Variants in GPATCH2L observed in about 807,000 individuals in gnomAD.
GPATCH2L encodes G-patch domain containing 2 like.
GPATCH2L carries 31 observed loss-of-function variants against 57.4 expected under a neutral mutation model. That is an observed-to-expected ratio of 0.54 (90% CI 0.41 to 0.73). The LOEUF is 0.73. GPATCH2L is among the 30% of genes least tolerant of loss of function. The pLI is 0.00. For missense variants in GPATCH2L, 481 were observed against 599.9 expected, an observed-to-expected ratio of 0.80 and a Z score of 2.07; for synonymous variants, 199 against 210.7, an observed-to-expected ratio of 0.94 and a Z score of 0.48.
chr14:76,222,313 G>C (rs1376189230), intron 1 of GPATCH2L, among the ~76,000 whole-genome samples: 3 of 152,160 alleles, frequency 2.0e-5, no homozygotes, highest in Non-Finnish European at 4.4e-5. Flanking sequence ...ACCAGCTCAA[G>C]AGTAAATAGA....
chr14:76,165,682 T>G (rs1359413610), intron 2 of GPATCH2L, among the ~76,000 whole-genome samples: 1 of 152,164 alleles, frequency 6.6e-6, no homozygotes, highest in Non-Finnish European at 1.5e-5. Flanking sequence ...GAGGAAAGCA[T>G]TGCTCCTTAA....
chr14:76,191,220 A>G (rs1307176080), intron 8 of GPATCH2L, among the ~76,000 whole-genome samples: 1 of 152,178 alleles, frequency 6.6e-6, no homozygotes, highest in African/African-American at 2.4e-5. Context: ...AATAACACAC[A>G]TTAAATAAAT....
Position 76,154,920 on chromosome 14 carries a change from A to T in GPATCH2L, c.557A>T (p.Glu186Val). Residue 186 changes from glutamate (E) to valine (V), a missense_variant, in exon 2 of 10, where the codon GAA becomes GTA. Coordinates refer to ENST00000261530, the MANE Select transcript of GPATCH2L (RefSeq NM_017926.4). This position sits in a 1 kb window ranked among gnomAD's most constrained non-coding sequence, Gnocchi z 4.4. Reference sequence around the variant, plus strand: ...ACCTCATCAGGCCACGGATTGTGTGAATCAGCAGAAAATAGGACTTTCCTA... The same window carrying T: ...ACCTCATCAGGCCACGGATTGTGTGTATCAGCAGAAAATAGGACTTTCCTA... ...PWTSSGHGLC[E>V]SAENRTFLSK... 6.2e-7 allele frequency: 1 copy of T among 1,614,194 alleles called. No individual in the cohort carries two copies. Among genetic ancestry groups the T allele is most frequent in the Non-Finnish European group, 8.5e-7 (1 of 1,179,996 alleles).
chr14:76,175,115 G>A (rs1158377835), intron 5 of GPATCH2L: 1 of 152,052 alleles, frequency 6.6e-6, no homozygotes, highest in East Asian at 1.9e-4. Flanking sequence ...TTATTGTTTA[G>A]GCTTGACAGA....
chr14:76,181,205 C>T (rs563089219), intron 8 of GPATCH2L, among the ~76,000 whole-genome samples: 4 of 152,220 alleles, frequency 2.6e-5, no homozygotes, highest in African/African-American at 7.2e-5. Flanking sequence ...AGCCTCCTTT[C>T]GTATAATTTT....
In GPATCH2L at chr14:76,200,019, A is replaced by G. The variant is rs142976528; in HGVS notation, c.1289-1672A>G. Reference sequence around the variant, plus strand: ...TTCTTATTCAGAATGAAACTCTGCCATGTGCTACAAATTGGATGAAGACAT... The same window carrying G: ...TTCTTATTCAGAATGAAACTCTGCCGTGTGCTACAAATTGGATGAAGACAT... On this transcript the variant is annotated intron_variant, in intron 9 of 9. Coordinates refer to ENST00000261530, the MANE Select transcript of GPATCH2L (RefSeq NM_017926.4). Among the ~76,000 whole-genome samples, 14 of 152,360 alleles carry G rather than the reference A, an allele frequency of 9.2e-5. No homozygotes were observed. In the East Asian group the frequency reaches 2.7e-3, roughly 29 times the overall value.
chr14:76,162,223 C>T (rs1230309864), intron 2 of GPATCH2L, among the ~76,000 whole-genome samples: 2 of 152,196 alleles, frequency 1.3e-5, no homozygotes, highest in African/African-American at 4.8e-5. Flanking sequence ...CAAGCTCACT[C>T]ACATGGCTGT....
chr14:76,160,001 G>A (rs1313752930), intron 2 of GPATCH2L, among the ~76,000 whole-genome samples: 3 of 152,130 alleles, frequency 2.0e-5, no homozygotes, highest in African/African-American at 7.2e-5. Context: ...TGGCGTGGTG[G>A]TGGACGCCTG....
chr14:76,180,700 T>A, intron 7 of GPATCH2L, 64 bp from the exon 8 acceptor site: 1 of 1,011,540 alleles, frequency 9.9e-7, no homozygotes, highest in Non-Finnish European at 1.6e-6. Context: ...AAATGTAGGT[T>A]ACCCTTTAGG....
chr14:76,172,243 T>G (rs4903383), intron 4 of GPATCH2L, among the ~76,000 whole-genome samples: 152,103 of 152,304 alleles, frequency 1, 75,951 homozygotes, highest in Middle Eastern at 1. Context: ...ATATATATTA[T>G]CAGGAGATTC....
intron 1 of GPATCH2L, among the ~76,000 whole-genome samples, chr14:76,222,175 A>C (rs1399815198): frequency 6.6e-6 from 1 of 152,214 alleles, no homozygotes; most frequent in Non-Finnish European, 1.5e-5. Context: ...ACCAATATAA[A>C]ACCCCAGAAA....
At chr14:76,195,780 T>A (rs1181545791) in intron 8 of GPATCH2L, 98 bp from the exon 9 acceptor site, 3 of 859,716 alleles carry the variant, frequency 3.5e-6, no homozygotes, top group Non-Finnish European at 5.8e-6. Flanking sequence ...ATTTTGTTTA[T>A]GTCTGTAATA....
intron 3 of GPATCH2L, among the ~76,000 whole-genome samples, chr14:76,169,192 TC>T (rs2038977685): frequency 6.6e-6 from 1 of 152,306 alleles, no homozygotes; most frequent in African/African-American, 2.4e-5. Context: ...TAGCCCTTTC[TC>T]CTTTGTTCTC....
intron 8 of GPATCH2L, among the ~76,000 whole-genome samples, chr14:76,186,329 T>G (rs1368545696): frequency 6.6e-6 from 1 of 152,208 alleles, no homozygotes; most frequent in Admixed American, 6.5e-5. Flanking sequence ...TAATTCATTT[T>G]ATCTGTTCAC....
chr14:76,175,323 C>T (rs752336483), intron 5 of GPATCH2L: 1 of 152,130 alleles, frequency 6.6e-6, no homozygotes, highest in Non-Finnish European at 1.5e-5. Flanking sequence ...ATCTTCATCA[C>T]CTTAAAGGGA....
At chr14:76,197,696 C>T (rs1246917527) in intron 9 of GPATCH2L, among the ~76,000 whole-genome samples, 2 of 152,098 alleles carry the variant, frequency 1.3e-5, no homozygotes, top group East Asian at 1.9e-4. Context: ...AGGTGGGTTC[C>T]GCTTTGCCGC....
chr14:76,215,824 A>C (rs1346373719), downstream of GPATCH2L, among the ~76,000 whole-genome samples: 1 of 150,926 alleles, frequency 6.6e-6, no homozygotes, highest in East Asian at 2.0e-4. Flanking sequence ...CTAGATGACG[A>C]GTTAGTGGGT....
rs1218018028 is a variant in GPATCH2L, at chr14:76,168,501, C to G, written c.727+1774C>G. Among the ~76,000 whole-genome samples, 3 of 152,284 alleles carry G rather than the reference C, an allele frequency of 2.0e-5. No individual in the cohort carries two copies. The East Asian group carries it at 5.8e-4, about 29-fold the overall frequency. On this transcript the variant is annotated intron_variant, in intron 3 of 9. Coordinates refer to ENST00000261530, the MANE Select transcript of GPATCH2L (RefSeq NM_017926.4). ...TTCCACTGATCTTGCCTGGGCTCCA[C>G]TGGTCTACAGGCTTCAAGTTAGGTT... is the stretch of plus-strand genomic sequence containing the variant.
rs1011465404 is a variant in GPATCH2L, at chr14:76,210,851, G to A, written c.*9000G>A. ...AGAAATGCCCCTTCATTCATTAGAT[G>A]TGTATGGAACACATCTTATGCCAAG... On this transcript the variant is annotated 3_prime_UTR_variant, in exon 10 of 10. Coordinates refer to ENST00000261530, the MANE Select transcript of GPATCH2L (RefSeq NM_017926.4). 5.3e-5 allele frequency: 8 copies of A among 152,176 alleles called. No homozygotes were observed. Among genetic ancestry groups the A allele is most frequent in the African/African-American group, 1.9e-4 (8 of 41,430 alleles). 9.4% of individuals were successfully genotyped at this position (152,176 alleles called of 1,614,324 possible).
Sources: gnomAD v4.1 joint callset for allele counts (sites outside exome capture counted in the v4.1 genomes callset) on GRCh38, gnomAD v4.1.1 for gene constraint, Gnocchi (gnomAD v3.1) non-coding constraint, MANE v1.5 for transcripts, NCBI Gene and HGNC (gene_info 2026-07-23, HGNC 2026-07-21) for gene names.